Variants in TRPM2 observed in about 807,000 individuals in gnomAD.
The protein encoded by TRPM2 is transient receptor potential cation channel subfamily M member 2.
In TRPM2, 161 loss-of-function variants were observed where a neutral mutation model predicts 174.0. The ratio of observed to expected loss-of-function variants is 0.93; its 90% CI spans 0.81 to 1.05. The LOEUF is 1.05. Among genes scored for constraint, TRPM2 ranks in the 50% least tolerant of loss-of-function variants. The pLI is 0.00. For missense variants in TRPM2, 2,057 were observed against 2,038.0 expected (o/e 1.01, Z -0.18); for synonymous variants, 954 against 861.3 (o/e 1.11, Z -1.88).
At chr21:44,420,515 C>T (rs967470321) in intron 22 of TRPM2, among the ~76,000 whole-genome samples, 1 of 152,200 alleles carries the variant, frequency 6.6e-6, no homozygotes, top group Non-Finnish European at 1.5e-5. Context: ...GGTCTCCAGG[C>T]CTGCTCAGCC....
intron 16 of TRPM2, among the ~76,000 whole-genome samples, chr21:44,404,602 ATGATAG>A (rs2049796404): frequency 6.6e-6 from 1 of 151,192 alleles, no homozygotes; most frequent in Admixed American, 6.6e-5. Context: ...GCTGACCGTG[ATGATAG>A]TGATGATAGT....
At chr21:44,411,331 CTAAA>C (rs887241670) in intron 19 of TRPM2, among the ~76,000 whole-genome samples, 1 of 151,758 alleles carries the variant, frequency 6.6e-6, no homozygotes, top group African/African-American at 2.4e-5. Flanking sequence ...AAATTTATTC[CTAAA>C]TATTTTATTA....
At chr21:44,400,232 C>A (rs917721423) in intron 14 of TRPM2, 27 bp from the exon 15 acceptor site, 3 of 1,592,898 alleles carry the variant, frequency 1.9e-6, no homozygotes, top group African/African-American at 1.3e-5. Flanking sequence ...CTGGGCACTG[C>A]CATCCTGAGA....
At chr21:44,416,246 G>A (rs113475715) in intron 20 of TRPM2, 3 of 152,238 alleles carry the variant, frequency 2.0e-5, no homozygotes, top group East Asian at 1.9e-4. Context: ...GGAACCAACC[G>A]TTTCTCTTCT....
At chr21:44,434,042 G>A (rs2146406467) in intron 27 of TRPM2, among the ~76,000 whole-genome samples, 1 of 151,162 alleles carries the variant, frequency 6.6e-6, no homozygotes, top group East Asian at 1.9e-4. Context: ...CAGCTGTCCT[G>A]GGGCAGCCAC....
chr21:44,388,601 G>A (rs544469455), intron 9 of TRPM2, among the ~76,000 whole-genome samples: 54 of 149,822 alleles, frequency 3.6e-4, no homozygotes, highest in African/African-American at 1.3e-3. Flanking sequence ...GGCTGAGGTG[G>A]GAGGATCACT....
rs1029500734 is a variant in TRPM2 at position 44,414,197 on chromosome 21, C to T, written c.3146+123C>T. On this transcript the variant is annotated intron_variant, in intron 20 of 31. Coordinates refer to ENST00000397928, the MANE Select transcript of TRPM2 (RefSeq NM_003307.4). ...GATGATGGGCTGGTGCACAGAGGCG[C>T]GTCACTCATATCCTGGTGGAGTGTG... 8.8e-5 allele frequency: 111 copies of T among 1,266,050 alleles called. No homozygotes were observed. In the Admixed American group the frequency reaches 1.0e-3, roughly 12 times the overall value. 78.4% of individuals were successfully genotyped at this position (1,266,050 alleles called of 1,614,324 possible). A position where few individuals can be genotyped will look rare whatever the true frequency, so the allele number is the denominator to read the frequency against.
chr21:44,379,382 G>C (rs532405853), intron 8 of TRPM2, among the ~76,000 whole-genome samples, 185 bp downstream of exon 8: 127 of 152,326 alleles, frequency 8.3e-4, no homozygotes, highest in Non-Finnish European at 1.5e-3. Flanking sequence ...CCGGAGGTCA[G>C]ATCCCAAGAC....
intron 12 of TRPM2, among the ~76,000 whole-genome samples, chr21:44,397,078 G>A (rs972862891): frequency 2.0e-5 from 3 of 149,812 alleles, no homozygotes; most frequent in African/African-American, 7.4e-5. Context: ...TTGCTCTGTT[G>A]CCCAGGCTGG....
At chr21:44,350,168 C>G (rs1388218369), upstream of TRPM2, 2 of 152,026 alleles carry the variant, frequency 1.3e-5, no homozygotes, top group Non-Finnish European at 2.9e-5. Context: ...TCCACTGCAC[C>G]GGGCACGCGG....
Position 44,441,657 on chromosome 21 carries a change from G to T in TRPM2, c.4387-35G>T, listed in dbSNP as rs200955698. ...GGCTCAGCTGGGCAGAGGCAGGGCT[G>T]GCGGGGAGGGTCAGCTGTGCCCTTG... On this transcript the variant is annotated intron_variant, in intron 31 of 31. Coordinates refer to ENST00000397928, the MANE Select transcript of TRPM2 (RefSeq NM_003307.4). 153 of 1,584,430 alleles carry T rather than the reference G, an allele frequency of 9.7e-5. 1 individual carries two copies. Among genetic ancestry groups the T allele is most frequent in the Admixed American group, 7.5e-4 (44 of 58,620 alleles).
Position 44,440,864 on chromosome 21 carries a change from T to G in TRPM2, c.4345T>G (p.Phe1449Val), listed in dbSNP as rs970380010. ...CGAGACGGTGGCCGTCAGCGTCCACTTCCAGGACCAGAATGACGTGGAGCT... is the reference window on the plus strand; with the variant it reads ...CGAGACGGTGGCCGTCAGCGTCCACGTCCAGGACCAGAATGACGTGGAGCT... ...WIETVAVSVH[F>V]QDQNDVELNR... is the part of the protein sequence containing the mutation. Residue 1449 changes from phenylalanine (F) to valine (V), a missense_variant, in exon 31 of 32, where the codon TTC (phenylalanine) becomes GTC (valine). Transcript: ENST00000397928. 1.2e-6 allele frequency: 2 copies of G among 1,613,766 alleles called. No homozygotes were observed. Among genetic ancestry groups the G allele is most frequent in the Non-Finnish European group, 1.7e-6 (2 of 1,179,956 alleles).
intron 18 of TRPM2, 29 bp from the exon 19 acceptor site, chr21:44,406,565 G>A: frequency 1.9e-6 from 3 of 1,594,272 alleles, no homozygotes; most frequent in Middle Eastern, 2.0e-4. Context: ...GGCCAGGAGA[G>A]TGTAGCCCAC....
rs906135130 is a variant in TRPM2 at position 44,366,167 on chromosome 21, C to A, written c.424-587C>A. On this transcript the variant is annotated intron_variant, in intron 3 of 31. Coordinates refer to ENST00000397928, the MANE Select transcript of TRPM2 (RefSeq NM_003307.4). The surrounding 1 kb of genome is among the most constrained non-coding windows in gnomAD (Gnocchi z 6.0). Reference sequence around the variant, plus strand: ...GAGTGACGACAGAACCTGGGAGAGCCGTGTTCAGACGGGAGGCAGAGGAAG... The same window carrying A: ...GAGTGACGACAGAACCTGGGAGAGCAGTGTTCAGACGGGAGGCAGAGGAAG... Among the ~76,000 whole-genome samples the A allele has an allele frequency of 6.6e-6, 1 of 152,000 alleles. No homozygotes were observed. The highest frequency in any genetic ancestry group is 2.1e-4 in the South Asian group (1 of 4,806).
Position 44,426,741 on chromosome 21 carries a change from G to C in TRPM2, c.3872+5G>C. On this transcript the variant is annotated splice_donor_5th_base_variant and intron_variant, in intron 26 of 31. Coordinates refer to ENST00000397928, the MANE Select transcript of TRPM2 (RefSeq NM_003307.4). ...CGCCATGGACCCCATGGGAGAGTGA[G>C]TATGAGCCGCTGTCCGTGCTCCCAG... is the stretch of plus-strand genomic sequence containing the variant. 6.2e-7 allele frequency: 1 copy of C among 1,613,846 alleles called. No individual in the cohort carries two copies. Among genetic ancestry groups the C allele is most frequent in the Non-Finnish European group, 8.5e-7 (1 of 1,179,946 alleles).
At chr21:44,426,638 A>G in intron 25 of TRPM2, 22 bp from the exon 26 acceptor site, 2 of 1,613,866 alleles carry the variant, frequency 1.2e-6, no homozygotes, top group Non-Finnish European at 1.7e-6. Context: ...AATCTGAGGG[A>G]AAACTCCCTG....
chr21:44,351,402 T>A (rs1286945928), upstream of TRPM2, among the ~76,000 whole-genome samples: 2 of 152,246 alleles, frequency 1.3e-5, no homozygotes, highest in Non-Finnish European at 2.9e-5. Flanking sequence ...AATAGCTCTG[T>A]GCAGGGCTTG....
intron 16 of TRPM2, 61 bp downstream of exon 16, chr21:44,401,958 A>C: frequency 3.8e-6 from 6 of 1,583,550 alleles, no homozygotes; most frequent in Non-Finnish European, 5.2e-6. Context: ...CTGCATTCTC[A>C]TAGGGGACCC....
At chr21:44,351,513 C>T (rs2047925580), upstream of TRPM2, among the ~76,000 whole-genome samples, 1 of 152,236 alleles carries the variant, frequency 6.6e-6, no homozygotes, top group Non-Finnish European at 1.5e-5. Flanking sequence ...ACACTCACAC[C>T]TGTGCCAGTT....
Sources: allele counts gnomAD v4.1 joint callset (sites outside exome capture counted in the v4.1 genomes callset), GRCh38; gene constraint gnomAD v4.1.1; non-coding constraint Gnocchi (gnomAD v3.1); transcripts MANE v1.5; gene names NCBI Gene and HGNC (gene_info 2026-07-23, HGNC 2026-07-21).